The following AP2A2 variants were observed in gnomAD, a reference collection of about 807,000 sequenced individuals.
AP2A2 encodes adaptor related protein complex 2 subunit alpha 2, also known as AP-2 complex subunit alpha-2.
Under a neutral mutation model 104.2 loss-of-function variants are expected in AP2A2, and 32 were observed. The observed-to-expected ratio is 0.31, with a 90% confidence interval of 0.23 to 0.41. AP2A2 has a LOEUF of 0.41. AP2A2 is among the 10% of genes least tolerant of loss of function. AP2A2 has a pLI of 1.00. For synonymous variants in AP2A2, 539 were observed against 533.3 expected (o/e 1.01, Z -0.15); for missense variants, 912 against 1,261.0 (o/e 0.72, Z 4.19).
At chr11:959,311 G>C in intron 1 of AP2A2, 126 bp from the exon 2 acceptor site, 1 of 699,260 alleles carries the variant, frequency 1.4e-6, no homozygotes, top group East Asian at 2.8e-5. Context: ...GTCTGCTTCG[G>C]CTTTTCTCCT....
chr11:978,405 C>T (rs1236599736), intron 5 of AP2A2, among the ~76,000 whole-genome samples: 1 of 152,228 alleles, frequency 6.6e-6, no homozygotes, highest in African/African-American at 2.4e-5. Flanking sequence ...GGCCTTGCCT[C>T]AGATGGCCAC....
chr11:1,010,236 G>A (rs1174458447), intron 21 of AP2A2: 2 of 514,582 alleles, frequency 3.9e-6, no homozygotes, highest in Non-Finnish European at 6.9e-6. Flanking sequence ...TTTCACTTGG[G>A]TGGCACCCAG....
chr11:1,004,893 G>C (rs1856154222), intron 16 of AP2A2, among the ~76,000 whole-genome samples: 1 of 152,052 alleles, frequency 6.6e-6, no homozygotes, highest in South Asian at 2.1e-4. Context: ...GCCGCTGGTG[G>C]GAATGTACAG....
chr11:934,447 T>C (rs951588261), intron 1 of AP2A2, among the ~76,000 whole-genome samples: 2 of 152,126 alleles, frequency 1.3e-5, no homozygotes, highest in Admixed American at 6.6e-5. Flanking sequence ...TTTCAAATTG[T>C]AGCCCTGTCG....
At chr11:1,003,241 C>T (rs1856083814) in intron 15 of AP2A2, among the ~76,000 whole-genome samples, 1 of 152,216 alleles carries the variant, frequency 6.6e-6, no homozygotes, top group South Asian at 2.1e-4. Context: ...GATGGGGGCG[C>T]CCAGGGCCCT....
chr11:927,618 C>G (rs891764640), intron 1 of AP2A2, among the ~76,000 whole-genome samples: 2 of 151,542 alleles, frequency 1.3e-5, no homozygotes, highest in Non-Finnish European at 2.9e-5. Flanking sequence ...AAGTTTGAGA[C>G]CAGCCTGGGC....
At chr11:969,220 CTTTTTT>C (rs1190722379) in intron 2 of AP2A2, among the ~76,000 whole-genome samples, 5 of 48,036 alleles carry the variant, frequency 1.0e-4, no homozygotes, top group African/African-American at 3.9e-4. Context: ...TAGAACAGCC[CTTTTTT>C]TTTTTTTTTT....
intron 14 of AP2A2, among the ~76,000 whole-genome samples, chr11:995,911 C>T (rs1425146924): frequency 1.3e-5 from 2 of 150,812 alleles, no homozygotes; most frequent in African/African-American, 4.9e-5. Flanking sequence ...GACTCTTTCT[C>T]CCAAGGTGGG....
intron 1 of AP2A2, chr11:946,998 TTTTTTTCTTTTC>T (rs1214342783): frequency 7.8e-6 from 1 of 128,170 alleles, no homozygotes; most frequent in Non-Finnish European, 1.6e-5. Flanking sequence ...GTCTCCTGTC[TTTTTTTCTTTTC>T]TTTTTTTTTT....
intron 2 of AP2A2, among the ~76,000 whole-genome samples, chr11:966,193 A>G (rs913048806): frequency 8.5e-5 from 13 of 152,228 alleles, no homozygotes; most frequent in Admixed American, 4.6e-4. Context: ...CAGGTTGTGC[A>G]CATTAATTTG....
intron 1 of AP2A2, among the ~76,000 whole-genome samples, chr11:937,627 A>C (rs1403783724): frequency 6.6e-6 from 1 of 152,230 alleles, no homozygotes. Flanking sequence ...CCAAATTCAC[A>C]TTAGCCTACA....
chr11:930,738 T>C (rs1244431668), intron 1 of AP2A2, among the ~76,000 whole-genome samples: 1 of 152,208 alleles, frequency 6.6e-6, no homozygotes, highest in Non-Finnish European at 1.5e-5. Context: ...GCCAGGATGG[T>C]CTCGGTCTCC....
chr11:988,738 C>T (rs1855547834), intron 10 of AP2A2, 49 bp downstream of exon 10: 3 of 1,603,700 alleles, frequency 1.9e-6, no homozygotes, highest in Non-Finnish European at 2.6e-6. Flanking sequence ...GCGTGAATCT[C>T]AGCGGCAGGA....
chr11:946,096 T>C (rs1333031081), intron 1 of AP2A2, among the ~76,000 whole-genome samples: 1 of 152,190 alleles, frequency 6.6e-6, no homozygotes, highest in Non-Finnish European at 1.5e-5. Context: ...GTGAAAACAC[T>C]GGCAAAAATG....
chr11:989,187 C>T (rs1855564060), intron 10 of AP2A2, among the ~76,000 whole-genome samples: 1 of 152,180 alleles, frequency 6.6e-6, no homozygotes, highest in South Asian at 2.1e-4. Flanking sequence ...ATTAGCCGGG[C>T]GTAGTGGCGC....
rs751703352 is a variant in AP2A2, at chr11:994,209, G to C, written c.1920G>C (p.Gly640=). 4 of 1,612,796 alleles carry C rather than the reference G, an allele frequency of 2.5e-6. No homozygotes were observed. In the African/African-American group the frequency reaches 5.3e-5, roughly 22 times the overall value. Reference sequence around the variant, plus strand: ...GGGACAGGAGTGTGGACGTGAACGGGGGTCCTGAGCCTGCCCCAGCCAGTA... The same window carrying C: ...GGGACAGGAGTGTGGACGTGAACGGCGGTCCTGAGCCTGCCCCAGCCAGTA... The part of the protein sequence containing the change: ...TKRDRSVDVN[G]GPEPAPASTS... Residue 640 remains glycine, a synonymous_variant, in exon 14 of 22, where the codon GGG becomes GGC. Transcript: ENST00000448903.
Position 992,379 on chromosome 11 carries a change from G to T in AP2A2, c.1270-124G>T. On this transcript the variant is annotated intron_variant, in intron 10 of 21. Coordinates refer to ENST00000448903, the MANE Select transcript of AP2A2 (RefSeq NM_012305.4). The surrounding 1 kb of genome is among the most constrained non-coding windows in gnomAD (Gnocchi z 6.4). ...AGAATCGAGTTCAAGCTTCCTCCAT[G>T]TCCCAAACTTTTGTAGACACATTGA... is the stretch of plus-strand genomic sequence containing the variant. 2.0e-6 allele frequency: 2 copies of T among 990,744 alleles called. No individual in the cohort carries two copies. Among genetic ancestry groups the T allele is most frequent in the Non-Finnish European group, 1.5e-6 (1 of 653,862 alleles). 61.4% of individuals were successfully genotyped at this position (990,744 alleles called of 1,614,324 possible).
At chr11:977,252 C>T (rs775185111) in intron 5 of AP2A2, 28 bp downstream of exon 5, 62 of 1,555,642 alleles carry the variant, frequency 4.0e-5, no homozygotes, top group Non-Finnish European at 5.0e-5. Context: ...TGGTTCTCCC[C>T]GCTCCCCCAG....
chr11:930,280 C>T (rs1426275282), intron 1 of AP2A2, among the ~76,000 whole-genome samples: 3 of 152,234 alleles, frequency 2.0e-5, no homozygotes, highest in Non-Finnish European at 4.4e-5. Flanking sequence ...AATGAATATG[C>T]TCCAGGATTT....
Sources: allele counts gnomAD v4.1 joint callset (sites outside exome capture counted in the v4.1 genomes callset), GRCh38; gene constraint gnomAD v4.1.1; non-coding constraint Gnocchi (gnomAD v3.1); transcripts MANE v1.5; gene names NCBI Gene and HGNC (gene_info 2026-07-23, HGNC 2026-07-21).